DPH6: variants seen among roughly 807,000 people sequenced by gnomAD.
The protein encoded by DPH6 is diphthine--ammonia ligase.
In DPH6, 33 loss-of-function variants were observed where a neutral mutation model predicts 38.2. That is an observed-to-expected ratio of 0.86 (90% CI 0.65 to 1.15). The LOEUF (loss-of-function observed/expected upper bound fraction) is 1.15. DPH6 is among the 50% of genes most tolerant of loss of function. DPH6 has a pLI of 0.00. For synonymous variants in DPH6, 108 were observed against 103.0 expected, an observed-to-expected ratio of 1.05 and a Z score of -0.30; for missense variants, 325 against 320.0, an observed-to-expected ratio of 1.02 and a Z score of -0.12.
the DPH6 span, among the ~76,000 whole-genome samples, chr15:35,201,663 G>C: frequency 2.0e-5 from 3 of 151,534 alleles, no homozygotes; most frequent in Admixed American, 1.3e-4. Context: ...CAAGAGTCTC[G>C]TGCAATTCTT....
At chr15:35,151,591 G>A in the DPH6 span, among the ~76,000 whole-genome samples, 1 of 152,150 alleles carries the variant, frequency 6.6e-6, no homozygotes, top group South Asian at 2.1e-4. Flanking sequence ...ACATCCCAGC[G>A]ACGTGCACTG....
At chr15:35,322,143 T>G (rs2052246229) in intron 3 of DPH6, among the ~76,000 whole-genome samples, 1 of 152,148 alleles carries the variant, frequency 6.6e-6, no homozygotes, top group Non-Finnish European at 1.5e-5. Context: ...AAACCAATCT[T>G]AGCTTCTACA....
At chr15:35,301,866 T>C (rs2052056688) in intron 3 of DPH6, among the ~76,000 whole-genome samples, 1 of 151,958 alleles carries the variant, frequency 6.6e-6, no homozygotes, top group East Asian at 1.9e-4. Flanking sequence ...CCCAGCCACT[T>C]GGGAGGCTGA....
rs534276830 is a variant in DPH6 at position 35,513,820 on chromosome 15, G to A, written c.312+24454C>T. On this transcript the variant is annotated intron_variant, in intron 3 of 8. Transcript: ENST00000256538. ...CCAGATAATGAACATTATAACACTCGAATATATATATAATTGACAAGCTAA... is the reference window on the plus strand; with the variant it reads ...CCAGATAATGAACATTATAACACTCAAATATATATATAATTGACAAGCTAA... 5.3e-5 allele frequency among the ~76,000 whole-genome samples: 8 copies of A among 151,788 alleles called. No homozygotes were observed. The South Asian group carries it at 8.3e-4, about 16-fold the overall frequency.
At position 35,401,710 on chromosome 15, in the gene DPH6, A is replaced by C. The variant is rs1327836440; in HGVS notation, c.567+9125T>G. On this transcript the variant is annotated intron_variant, in intron 6 of 8. Transcript: ENST00000256538. Reference sequence around the variant, plus strand: ...CAATACTTTGCCAAACCACGACACCAAGGTGGCTATGGTGGTTCCAGTAGC... The same window carrying C: ...CAATACTTTGCCAAACCACGACACCCAGGTGGCTATGGTGGTTCCAGTAGC... The C allele has an allele frequency of 5.5e-6, 4 of 730,536 alleles. No homozygotes were observed. The East Asian group carries it at 1.0e-4, about 19-fold the overall frequency. The allele number at this position is 730,536 out of a possible 1,614,324, so 45.3% of individuals were successfully genotyped here.
At chr15:35,216,476 CTT>C (rs2051411418), downstream of DPH6, among the ~76,000 whole-genome samples, 1 of 152,162 alleles carries the variant, frequency 6.6e-6, no homozygotes. Context: ...TGAATTAAAA[CTT>C]ATTGCTTCTT....
chr15:35,182,220 A>ATT, the DPH6 span, among the ~76,000 whole-genome samples: 169 of 85,980 alleles, frequency 2.0e-3, 12 homozygotes, highest in African/African-American at 2.8e-3. Context: ...AACTCTAAGA[A>ATT]TTTTTTTTTT....
intron 5 of DPH6, among the ~76,000 whole-genome samples, chr15:35,416,407 G>C (rs1459376892): frequency 6.6e-6 from 1 of 151,844 alleles, no homozygotes; most frequent in Non-Finnish European, 1.5e-5. Flanking sequence ...GGTTTTTTTG[G>C]CATGAACAAT....
chr15:35,233,748 C>T (rs534559973), intron 3 of DPH6, among the ~76,000 whole-genome samples: 1 of 152,304 alleles, frequency 6.6e-6, no homozygotes, highest in East Asian at 1.9e-4. Flanking sequence ...CCTCATCACT[C>T]TCCACACTCC....
the DPH6 span, among the ~76,000 whole-genome samples, chr15:35,151,121 C>A: frequency 6.6e-6 from 1 of 152,108 alleles, no homozygotes; most frequent in Admixed American, 6.5e-5. Context: ...TCAACTTTAA[C>A]CCGGGGAAGT....
chr15:35,167,521 T>C, the DPH6 span, among the ~76,000 whole-genome samples: 8 of 151,322 alleles, frequency 5.3e-5, no homozygotes, highest in African/African-American at 1.7e-4. Context: ...AGAAGCTACA[T>C]TGCAAATTAT....
At position 35,473,957 on chromosome 15, in the gene DPH6, T is replaced by TGCGTGC. The variant is rs1555404745; in HGVS notation, c.313-19138_313-19137insGCACGC. ...GTGTGTGTGTGTGTGTGTGTGTGTG[T>TGCGTGC]GCGCGCGCGCGCGTGAGCTTTTGTA... is the stretch of plus-strand genomic sequence containing the variant. On this transcript the variant is annotated intron_variant, in intron 3 of 8. Coordinates refer to ENST00000256538, the MANE Select transcript of DPH6 (RefSeq NM_080650.4). 1.3e-4 allele frequency among the ~76,000 whole-genome samples: 5 copies of TGCGTGC among 38,424 alleles called. No homozygotes were observed. In the East Asian group the frequency reaches 3.3e-3, roughly 26 times the overall value. 25.2% of individuals were successfully genotyped at this position (38,424 alleles called of 152,430 possible).
intron 3 of DPH6, among the ~76,000 whole-genome samples, chr15:35,462,945 T>C (rs907982566): frequency 5.3e-4 from 81 of 152,290 alleles, no homozygotes; most frequent in Admixed American, 4.7e-3. Context: ...AATTACCATT[T>C]GGTAATATAC....
Position 35,520,548 on chromosome 15 carries a change from T to C in DPH6, c.312+17726A>G, listed in dbSNP as rs1555408285. On this transcript the variant is annotated intron_variant, in intron 3 of 8. Transcript: ENST00000256538. ...GTGTCAAAGGTACTTTCAGTACATA[T>C]ATACAATAAGACTAGCATACACAGC... is the stretch of plus-strand genomic sequence containing the variant. The C allele has an allele frequency of 3.1e-5, 31 of 984,498 alleles. 2 individuals carry two copies. The South Asian group carries it at 1.3e-3, about 42-fold the overall frequency. 61.0% of individuals were successfully genotyped at this position (984,498 alleles called of 1,614,324 possible).
At chr15:35,327,239 T>C (rs988619143), downstream of DPH6, among the ~76,000 whole-genome samples, 1 of 152,186 alleles carries the variant, frequency 6.6e-6, no homozygotes, top group Non-Finnish European at 1.5e-5. Context: ...TTAGCAGTTG[T>C]AGTCTAGTTT....
intron 6 of DPH6, among the ~76,000 whole-genome samples, chr15:35,405,905 A>T (rs2053286154): frequency 6.6e-6 from 1 of 151,596 alleles, no homozygotes; most frequent in Non-Finnish European, 1.5e-5. Context: ...TTTTATCATG[A>T]AGGGATGTTG....
chr15:35,436,675 A>T (rs558869818), intron 5 of DPH6, among the ~76,000 whole-genome samples: 1 of 151,916 alleles, frequency 6.6e-6, no homozygotes, highest in Non-Finnish European at 1.5e-5. Flanking sequence ...CCACCCTGTC[A>T]GCAGTGAATA....
At chr15:35,477,765 C>T (rs956606198) in intron 3 of DPH6, among the ~76,000 whole-genome samples, 6 of 151,756 alleles carry the variant, frequency 4.0e-5, no homozygotes, top group African/African-American at 1.4e-4. Flanking sequence ...CACATTCTCA[C>T]TTCTTATCCA....
At chr15:35,174,243 A>G in the DPH6 span, among the ~76,000 whole-genome samples, 8 of 75,054 alleles carry the variant, frequency 1.1e-4, 1 homozygote, top group East Asian at 6.6e-4. Context: ...AGATCATTAT[A>G]ATTTTTTTTG....
Sources: allele counts gnomAD v4.1 joint callset (sites outside exome capture counted in the v4.1 genomes callset), GRCh38; gene constraint gnomAD v4.1.1; transcripts MANE v1.5; gene names NCBI Gene and HGNC (gene_info 2026-07-23, HGNC 2026-07-21).